IQGAP2: variants seen among roughly 807,000 people sequenced by gnomAD.
IQGAP2 encodes the protein IQ motif containing GTPase activating protein 2, also known as ras GTPase-activating-like protein IQGAP2.
IQGAP2 carries 173 observed loss-of-function variants against 201.3 expected under a neutral mutation model. The observed-to-expected ratio is 0.86, with a 90% confidence interval of 0.76 to 0.98. The LOEUF is 0.98. Ranked by LOEUF, IQGAP2 falls within the 50% of genes least tolerant of loss-of-function variation. IQGAP2 has a pLI of 0.00. For missense variants in IQGAP2, 1,687 were observed against 1,864.8 expected (o/e 0.90, Z 1.76); for synonymous variants, 675 against 673.9 (o/e 1.00, Z -0.03).
At chr5:76,526,430 G>A (rs1312874064) in intron 2 of IQGAP2, among the ~76,000 whole-genome samples, 1 of 152,132 alleles carries the variant, frequency 6.6e-6, no homozygotes, top group Non-Finnish European at 1.5e-5. Context: ...AAGAGTTGTC[G>A]ACCCTTAAGG....
intron 2 of IQGAP2, among the ~76,000 whole-genome samples, chr5:76,497,806 G>A (rs1355286265): frequency 6.6e-6 from 1 of 152,198 alleles, no homozygotes; most frequent in Non-Finnish European, 1.5e-5. Context: ...TTTGTAAGAT[G>A]ACAAGGAAGG....
At chr5:76,467,082 C>T (rs559870643) in intron 2 of IQGAP2, among the ~76,000 whole-genome samples, 3 of 152,028 alleles carry the variant, frequency 2.0e-5, no homozygotes, top group East Asian at 1.9e-4. Context: ...GAAACCCCAT[C>T]GCTACAAAAA....
At chr5:76,621,083 C>T (rs558136643) in intron 13 of IQGAP2, among the ~76,000 whole-genome samples, 23 of 152,260 alleles carry the variant, frequency 1.5e-4, no homozygotes, top group Non-Finnish European at 2.8e-4. Flanking sequence ...GCCAGTACTG[C>T]GCCATTATGT....
intron 15 of IQGAP2, among the ~76,000 whole-genome samples, chr5:76,635,818 G>A (rs1751082168): frequency 6.6e-6 from 1 of 151,784 alleles, no homozygotes; most frequent in South Asian, 2.1e-4. Context: ...GACAGAGTGA[G>A]ACCCTGTCTC....
intron 14 of IQGAP2, among the ~76,000 whole-genome samples, chr5:76,631,090 A>G (rs926391684): frequency 1.3e-5 from 2 of 152,190 alleles, no homozygotes; most frequent in Admixed American, 6.5e-5. Flanking sequence ...TCATGTAGGA[A>G]GTATTTTAAC....
chr5:76,496,771 TTCTTTCTTTCTTTCTTTCTTTCTC>T (rs1756996116), intron 2 of IQGAP2, among the ~76,000 whole-genome samples: 4 of 120,858 alleles, frequency 3.3e-5, no homozygotes, highest in South Asian at 2.6e-4. Flanking sequence ...CTTTCTTTCT[TTCTTTCTTTCTTTCTTTCTTTCTC>T]TTTCTTTCTT....
intron 27 of IQGAP2, among the ~76,000 whole-genome samples, chr5:76,676,126 G>C (rs577153123): frequency 1.5e-3 from 201 of 136,484 alleles, no homozygotes; most frequent in African/African-American, 5.0e-3. Flanking sequence ...CACACACAAA[G>C]TAATATCCAT....
intron 2 of IQGAP2, among the ~76,000 whole-genome samples, chr5:76,468,327 GGGAGAT>G (rs1754901051): frequency 6.6e-6 from 1 of 152,064 alleles, no homozygotes; most frequent in Non-Finnish European, 1.5e-5. Context: ...GGGTTGTTTT[GGGAGAT>G]GGAGTTCAGG....
intron 2 of IQGAP2, among the ~76,000 whole-genome samples, chr5:76,478,288 C>T (rs1755568470): frequency 6.6e-6 from 1 of 152,186 alleles, no homozygotes; most frequent in Non-Finnish European, 1.5e-5. Flanking sequence ...ATAATCCCAG[C>T]TACTTGGGAG....
At chr5:76,432,379 C>T (rs1417672742) in intron 1 of IQGAP2, among the ~76,000 whole-genome samples, 9 of 152,152 alleles carry the variant, frequency 5.9e-5, no homozygotes, top group Admixed American at 4.6e-4. Context: ...CCCACCTCAG[C>T]TTCGCAAAGT....
chr5:76,630,628 T>C (rs777792455), intron 14 of IQGAP2, among the ~76,000 whole-genome samples: 2 of 152,216 alleles, frequency 1.3e-5, no homozygotes, highest in Admixed American at 6.5e-5. Context: ...TAGATGACAC[T>C]GTCACATGTA....
chr5:76,435,764 T>G (rs1254399990), intron 1 of IQGAP2, among the ~76,000 whole-genome samples: 3 of 152,226 alleles, frequency 2.0e-5, no homozygotes, highest in Admixed American at 6.5e-5. Flanking sequence ...AATTTGTAGA[T>G]TGCTTTAGGC....
At chr5:76,412,907 C>T (rs1420474723) in intron 1 of IQGAP2, among the ~76,000 whole-genome samples, 3 of 152,120 alleles carry the variant, frequency 2.0e-5, no homozygotes, top group African/African-American at 7.2e-5. Context: ...AATGCATCAT[C>T]AAAGGATTAA....
At chr5:76,563,991 T>TTTTTTTTTTTTTTTTTTTTTTG (rs1744562142) in intron 3 of IQGAP2, among the ~76,000 whole-genome samples, 1 of 152,146 alleles carries the variant, frequency 6.6e-6, no homozygotes, top group African/African-American at 2.4e-5. Context: ...TCTGTTTTTC[T>TTTTTTTTTTTTTTTTTTTTTTG]AGTCTGGTCA....
chr5:76,662,320 C>G (rs58107647), intron 21 of IQGAP2, among the ~76,000 whole-genome samples: 28 of 152,282 alleles, frequency 1.8e-4, no homozygotes, highest in African/African-American at 6.0e-4. Flanking sequence ...TCCCTCCATT[C>G]CTCTCATTAT....
chr5:76,422,256 C>T (rs781604597), intron 1 of IQGAP2, among the ~76,000 whole-genome samples: 82 of 152,050 alleles, frequency 5.4e-4, no homozygotes, highest in Admixed American at 4.7e-3. Context: ...AGTAAGCAGA[C>T]GCTATGTATT....
rs746549704 is a variant in IQGAP2, at chr5:76,668,860, T to G, written c.2843+16T>G. The G allele has an allele frequency of 6.6e-7, 1 of 1,508,984 alleles. No individual in the cohort carries two copies. Among genetic ancestry groups the G allele is most frequent in the South Asian group, 1.3e-5 (1 of 78,056 alleles). 93.5% of individuals were successfully genotyped at this position (1,508,984 alleles called of 1,614,324 possible). On this transcript the variant is annotated intron_variant, in intron 23 of 35. Transcript: ENST00000274364. The stretch of plus-strand genomic sequence containing the variant: ...AAGAAATAAAGTATGTATACAAATA[T>G]GTATGTAAAAATACCAGTGAATCAA...
chr5:76,539,193 CTG>C (rs1338478872), intron 2 of IQGAP2, among the ~76,000 whole-genome samples: 1 of 152,216 alleles, frequency 6.6e-6, no homozygotes, highest in Admixed American at 6.5e-5. Flanking sequence ...TCAAAAGGAA[CTG>C]TGTGAGTTAC....
At chr5:76,447,425 T>G (rs2150110878) in intron 1 of IQGAP2, among the ~76,000 whole-genome samples, 1 of 152,240 alleles carries the variant, frequency 6.6e-6, no homozygotes, top group South Asian at 2.1e-4. Context: ...CCCCTTTGGG[T>G]CCCCTCCCAT....
Sources: gnomAD v4.1 joint callset for allele counts (sites outside exome capture counted in the v4.1 genomes callset) on GRCh38, gnomAD v4.1.1 for gene constraint, MANE v1.5 for transcripts, NCBI Gene and HGNC (gene_info 2026-07-23, HGNC 2026-07-21) for gene names.